Variants in BBOF1 observed in about 807,000 individuals in gnomAD.
BBOF1 encodes basal body orientation factor 1.
A neutral mutation model predicts 68.0 loss-of-function variants in BBOF1; 62 were observed. The observed-to-expected ratio is 0.91, with a 90% CI of 0.74 to 1.13. The LOEUF (loss-of-function observed/expected upper bound fraction) is 1.13. Ranked by LOEUF, BBOF1 falls within the 50% of genes most tolerant of loss-of-function variation. The pLI is 0.00. For synonymous variants in BBOF1, 208 were observed against 198.8 expected, an observed-to-expected ratio of 1.05 and a Z score of -0.39; for missense variants, 534 against 600.1, an observed-to-expected ratio of 0.89 and a Z score of 1.15.
At chr14:74,046,901 A>C (rs1217870748) in intron 6 of BBOF1, 1 of 152,046 alleles carries the variant, frequency 6.6e-6, no homozygotes, top group Non-Finnish European at 1.5e-5. Context: ...ACGCCCAGCT[A>C]ATTTTTGTAT....
intron 9 of BBOF1, among the ~76,000 whole-genome samples, chr14:74,077,550 T>G (rs1489464778): frequency 2.0e-5 from 3 of 152,030 alleles, no homozygotes; most frequent in African/African-American, 7.2e-5. Context: ...GAGGCAAAAC[T>G]GGGGGGGTAT....
chr14:74,048,879 T>G (rs778460988), intron 7 of BBOF1, among the ~76,000 whole-genome samples: 1 of 151,910 alleles, frequency 6.6e-6, no homozygotes, highest in Non-Finnish European at 1.5e-5. Context: ...TATATAGTTA[T>G]AGAGAGAGAG....
At chr14:74,082,854 A>G (rs1371924569) in exon 13 of BBOF1, 1 of 152,212 alleles carries the variant, frequency 6.6e-6, no homozygotes, top group Admixed American at 6.5e-5. Context: ...ATAAAAGTAC[A>G]TGGAAAGAGA....
chr14:74,023,453 T>C (rs769890255), intron 2 of BBOF1, among the ~76,000 whole-genome samples: 69 of 152,358 alleles, frequency 4.5e-4, no homozygotes, highest in Non-Finnish European at 7.6e-4. Context: ...ATATATTTTT[T>C]GATGCTGATT....
chr14:74,019,457 C>T lies in BBOF1; in HGVS notation c.-22C>T, dbSNP rs752837179. 1.4e-5 allele frequency: 22 copies of T among 1,597,110 alleles called. No homozygotes were observed. In the South Asian group the frequency reaches 2.0e-4, roughly 15 times the overall value. ...GGCCGCGGCTGGGCAACTACGACAG[C>T]GGAGCCCCTGGGGAAGCCAAGATGC... On this transcript the variant is annotated 5_prime_UTR_variant, in exon 1 of 12. Transcript: ENST00000394009.
rs901210164 is a variant in BBOF1, at chr14:74,065,088, C to G, written c.*389C>G. The G allele has an allele frequency of 2.0e-6, 3 of 1,490,348 alleles. No individual in the cohort carries two copies. The African/African-American group carries it at 4.2e-5, about 21-fold the overall frequency. The allele number at this position is 1,490,348 out of a possible 1,614,324, so 92.3% of individuals were successfully genotyped here. A position where few individuals can be genotyped will look rare whatever the true frequency, so the allele number is the denominator to read the frequency against. On this transcript the variant is annotated 3_prime_UTR_variant, in exon 12 of 12. Coordinates refer to ENST00000394009, the MANE Select transcript of BBOF1 (RefSeq NM_025057.3). ...GGGGCAATGTGGGAGGTCATGGGGG[C>G]AATCTTAAACCAATGACTCACCATT...
At chr14:74,075,523 G>A (rs1480522919) in intron 9 of BBOF1, among the ~76,000 whole-genome samples, 1 of 152,032 alleles carries the variant, frequency 6.6e-6, no homozygotes, top group Non-Finnish European at 1.5e-5. Flanking sequence ...AGGCAGTGGT[G>A]GCACATGCCT....
intron 4 of BBOF1, among the ~76,000 whole-genome samples, chr14:74,035,643 G>A (rs1213001264): frequency 7.1e-6 from 1 of 140,022 alleles, no homozygotes; most frequent in Non-Finnish European, 1.5e-5. Context: ...ATGCTGGTCA[G>A]GCTGGTCTGG....
intron 8 of BBOF1, 43 bp downstream of exon 8, chr14:74,050,238 GTGTCC>G: frequency 6.6e-7 from 1 of 1,507,696 alleles, no homozygotes; most frequent in South Asian, 1.4e-5. Context: ...TGCTATTTTT[GTGTCC>G]TTTACAGAAA....
At chr14:74,048,176 G>C in intron 7 of BBOF1, 102 bp downstream of exon 7, 1 of 1,112,862 alleles carries the variant, frequency 9.0e-7, no homozygotes, top group Non-Finnish European at 1.3e-6. Flanking sequence ...AGGACAATGA[G>C]ACCATTTTCA....
intron 5 of BBOF1, among the ~76,000 whole-genome samples, chr14:74,043,278 C>A (rs1355022320): frequency 6.6e-6 from 1 of 151,774 alleles, no homozygotes; most frequent in East Asian, 1.9e-4. Flanking sequence ...CGGCCAGGCG[C>A]GGTGGCTCAC....
chr14:74,040,464 TATAAC>T (rs1421154706), intron 4 of BBOF1, 96 bp from the exon 5 acceptor site: 8 of 732,748 alleles, frequency 1.1e-5, no homozygotes, highest in African/African-American at 1.8e-5. Context: ...AGAGGTAACA[TATAAC>T]AGAAAGCATT....
At chr14:74,072,077 G>C (rs892300864) in intron 9 of BBOF1, 2 of 1,563,600 alleles carry the variant, frequency 1.3e-6, no homozygotes, top group South Asian at 2.2e-5. Flanking sequence ...CAGTACAAGG[G>C]AGAGAGTCAT....
At position 74,019,446 on chromosome 14, in the gene BBOF1, A is replaced by T; in HGVS notation, c.-33A>T. 1 of 1,590,860 alleles carries T rather than the reference A, an allele frequency of 6.3e-7. No homozygotes were observed. The highest frequency in any genetic ancestry group is 8.6e-7 in the Non-Finnish European group (1 of 1,169,230). On this transcript the variant is annotated 5_prime_UTR_variant, in exon 1 of 12. Coordinates refer to ENST00000394009, the MANE Select transcript of BBOF1 (RefSeq NM_025057.3). ...CTGGCCAGGGCGGCCGCGGCTGGGCAACTACGACAGCGGAGCCCCTGGGGA... is the reference window on the plus strand; with the variant it reads ...CTGGCCAGGGCGGCCGCGGCTGGGCTACTACGACAGCGGAGCCCCTGGGGA...
intron 4 of BBOF1, among the ~76,000 whole-genome samples, chr14:74,037,379 C>T (rs1209639317): frequency 6.9e-6 from 1 of 144,290 alleles, no homozygotes; most frequent in Non-Finnish European, 1.5e-5. Context: ...GCAGCCTCTA[C>T]TTCCCTGGGC....
rs752923793 is a variant in BBOF1 at position 74,071,333 on chromosome 14, T to G, written n.1380-6863T>G. ...AAGGTATTTCCACACACCATGGCCA[T>G]GGGAAACATCCAAAGGGGGATCATG... On this transcript the variant is annotated intron_variant and non_coding_transcript_variant, in intron 9 of 12. Transcript: ENST00000492026. 3 of 1,614,014 alleles carry G rather than the reference T, an allele frequency of 1.9e-6. No homozygotes were observed. In the Admixed American group the frequency reaches 5.0e-5, roughly 27 times the overall value.
intron 5 of BBOF1, among the ~76,000 whole-genome samples, chr14:74,044,217 G>C (rs1316364089): frequency 6.6e-6 from 1 of 151,774 alleles, no homozygotes; most frequent in Non-Finnish European, 1.5e-5. Flanking sequence ...CTGCACTCCA[G>C]CCTGGGTGAC....
At chr14:74,032,537 A>C (rs2059596513) in intron 3 of BBOF1, among the ~76,000 whole-genome samples, 1 of 145,614 alleles carries the variant, frequency 6.9e-6, no homozygotes, top group Non-Finnish European at 1.5e-5. Flanking sequence ...TCTGTCACCC[A>C]GGCTGGAGTG....
chr14:74,031,858 G>C (rs2059578079), intron 3 of BBOF1: 1 of 151,992 alleles, frequency 6.6e-6, no homozygotes, highest in South Asian at 2.1e-4. Context: ...ATGGATAGTT[G>C]GGTTGTTTCC....
Sources: gnomAD v4.1 joint callset for allele counts (sites outside exome capture counted in the v4.1 genomes callset) on GRCh38, gnomAD v4.1.1 for gene constraint, MANE v1.5 for transcripts, NCBI Gene and HGNC (gene_info 2026-07-23, HGNC 2026-07-21) for gene names.